The following ZNF664 variants were observed in gnomAD, a reference collection of about 807,000 sequenced individuals.
The protein encoded by ZNF664 is zinc finger protein 664.
In ZNF664, 10 loss-of-function variants were observed where a neutral mutation model predicts 18.2. The ratio of observed to expected loss-of-function variants is 0.55; its 90% CI spans 0.34 to 0.93. The LOEUF is 0.93. Ranked by LOEUF, ZNF664 falls within the 40% of genes least tolerant of loss-of-function variation. The pLI, the probability that ZNF664 is intolerant of heterozygous loss-of-function variation, is 0.02. For missense variants in ZNF664, 193 were observed against 319.0 expected, an observed-to-expected ratio of 0.61 and a Z score of 3.01; for synonymous variants, 119 against 104.2, an observed-to-expected ratio of 1.14 and a Z score of -0.86.
chr12:124,015,423 CAG>C lies in ZNF664; in HGVS notation c.*2494_*2495del, dbSNP rs1162760748. The stretch of plus-strand genomic sequence containing the variant: ...TCAATTTAATAAAATCGCTTTATAA[CAG>C]GGTTCTGTGCTTGACATGTAGTTGT... On this transcript the variant is annotated 3_prime_UTR_variant, in exon 5 of 5. Coordinates refer to ENST00000337815, the MANE Select transcript of ZNF664 (RefSeq NM_152437.3). 1.2e-5 allele frequency: 2 copies of C among 161,522 alleles called. No homozygotes were observed. The highest frequency in any genetic ancestry group is 2.4e-5 in the African/African-American group (1 of 41,426). The allele number at this position is 161,522 out of a possible 1,614,324, so 10.0% of individuals were successfully genotyped here.
chr12:123,984,630 GAGT>G (rs1956803187), intron 2 of ZNF664, among the ~76,000 whole-genome samples: 1 of 152,066 alleles, frequency 6.6e-6, no homozygotes, highest in Non-Finnish European at 1.5e-5. Flanking sequence ...GAGGAGGAGA[GAGT>G]TGGTTTCAAA....
At chr12:123,980,176 A>T (rs1408600775) in intron 2 of ZNF664, among the ~76,000 whole-genome samples, 1 of 152,216 alleles carries the variant, frequency 6.6e-6, no homozygotes, top group Non-Finnish European at 1.5e-5. Context: ...AGAATACCTG[A>T]AAACATTTAA....
At chr12:123,994,840 T>G (rs1318651833) in intron 3 of ZNF664, among the ~76,000 whole-genome samples, 3 of 152,214 alleles carry the variant, frequency 2.0e-5, no homozygotes, top group Non-Finnish European at 4.4e-5. Flanking sequence ...GTTGGTCATT[T>G]GGAGCCTTCA....
intron 2 of ZNF664, among the ~76,000 whole-genome samples, chr12:123,981,487 G>A (rs749045129): frequency 2.6e-4 from 40 of 152,146 alleles, no homozygotes; most frequent in Admixed American, 2.6e-4. Context: ...CCCTCTCATC[G>A]TGTGATGCCC....
At chr12:123,990,230 A>G (rs1956873711) in intron 3 of ZNF664, among the ~76,000 whole-genome samples, 2 of 152,348 alleles carry the variant, frequency 1.3e-5, no homozygotes, top group South Asian at 2.1e-4. Context: ...TATATGTAAC[A>G]CTACTGAACT....
At chr12:123,988,173 A>G (rs373888240) in intron 3 of ZNF664, 35 bp downstream of exon 3, 1 of 1,230,986 alleles carries the variant, frequency 8.1e-7, no homozygotes. Context: ...TTTGTCCTAG[A>G]TGGAGAATCC....
chr12:124,012,864 G>C lies in ZNF664; in HGVS notation c.720G>C (p.Thr240=), dbSNP rs960135502. 1 of 1,613,982 alleles carries C rather than the reference G, an allele frequency of 6.2e-7. No individual in the cohort carries two copies. ...GCGGAAAGGCCTTCAGTCAGAGTAC[G>C]AGCCTCTGCATCCACCAGAGAGTCC... The part of the protein sequence containing the change: ...DECGKAFSQS[T]SLCIHQRVHT... The change falls in exon 5 of 5, where the codon ACG becomes ACC. Residue 240 remains threonine (T), a synonymous_variant. Transcript: ENST00000337815.
At chr12:123,982,575 C>A (rs1956778287) in intron 2 of ZNF664, among the ~76,000 whole-genome samples, 1 of 152,178 alleles carries the variant, frequency 6.6e-6, no homozygotes, top group African/African-American at 2.4e-5. Flanking sequence ...CTTCCCACTT[C>A]CCAATTCCAA....
At chr12:123,996,777 T>G (rs1215156028) in intron 3 of ZNF664, among the ~76,000 whole-genome samples, 1 of 152,170 alleles carries the variant, frequency 6.6e-6, no homozygotes, top group African/African-American at 2.4e-5. Context: ...AGGGAGGGAA[T>G]GAAGCTCATT....
At position 124,012,136 on chromosome 12, in the gene ZNF664, A is replaced by G. The variant is rs778641728; in HGVS notation, c.-9A>G. 2.5e-6 allele frequency: 4 copies of G among 1,594,244 alleles called. No homozygotes were observed. The highest frequency in any genetic ancestry group is 2.6e-6 in the Non-Finnish European group (3 of 1,173,880). On this transcript the variant is annotated 5_prime_UTR_variant, in exon 5 of 5. Transcript: ENST00000337815. ...TTTCTCCTTGAAATCACGATACCAA[A>G]TAGGAAAAATGATCTACAAGTGCCC...
In ZNF664 at chr12:124,011,530, T is replaced by C; in HGVS notation, c.-599-16T>C. ...TAAAAGCATTTTCAATTTATTTATTTATGTTTCTATTACAGGAGACGGCAT... is the reference window on the plus strand; with the variant it reads ...TAAAAGCATTTTCAATTTATTTATTCATGTTTCTATTACAGGAGACGGCAT... On this transcript the variant is annotated splice_polypyrimidine_tract_variant and intron_variant, in intron 4 of 4. Coordinates refer to ENST00000337815, the MANE Select transcript of ZNF664 (RefSeq NM_152437.3). 1.2e-6 allele frequency: 1 copy of C among 800,402 alleles called. No homozygotes were observed. Among genetic ancestry groups the C allele is most frequent in the Non-Finnish European group, 1.5e-6 (1 of 662,184 alleles). 49.6% of individuals were successfully genotyped at this position (800,402 alleles called of 1,614,324 possible). A position where few individuals can be genotyped will look rare whatever the true frequency, so the allele number is the denominator to read the frequency against.
chr12:123,973,373 C>A, intron 1 of ZNF664, 21 bp downstream of exon 1: 2 of 958,674 alleles, frequency 2.1e-6, no homozygotes, highest in Non-Finnish European at 2.5e-6. Flanking sequence ...GGCGGCCGGG[C>A]TGCAGTCTTT....
At chr12:123,989,728 T>TA (rs1956867173) in intron 3 of ZNF664, among the ~76,000 whole-genome samples, 1 of 152,212 alleles carries the variant, frequency 6.6e-6, no homozygotes, top group Admixed American at 6.5e-5. Flanking sequence ...ATTAATAACA[T>TA]ACATTTTCAG....
At position 123,974,335 on chromosome 12, in the gene ZNF664, C is replaced by T. The variant is rs1365796725; in HGVS notation, c.-757+315C>T. The T allele has an allele frequency of 2.1e-5, 6 of 289,166 alleles. No homozygotes were observed. The East Asian group carries it at 2.3e-4, about 11-fold the overall frequency. The allele number at this position is 289,166 out of a possible 1,614,324, so 17.9% of individuals were successfully genotyped here. On this transcript the variant is annotated intron_variant, in intron 2 of 4. Transcript: ENST00000337815. ...GCTGTCTTATTGCAACAAAGGAGACCAGATACCGAAAAAAGATTTCTGAGC... is the reference window on the plus strand; with the variant it reads ...GCTGTCTTATTGCAACAAAGGAGACTAGATACCGAAAAAAGATTTCTGAGC...
intron 3 of ZNF664, among the ~76,000 whole-genome samples, chr12:123,993,842 T>G (rs1956916032): frequency 6.6e-6 from 1 of 152,196 alleles, no homozygotes; most frequent in African/African-American, 2.4e-5. Context: ...TGATCATTTT[T>G]GAGGAGGAGG....
intron 3 of ZNF664, among the ~76,000 whole-genome samples, chr12:123,995,178 T>TCA (rs1956933462): frequency 6.6e-6 from 1 of 152,202 alleles, no homozygotes; most frequent in Non-Finnish European, 1.5e-5. Context: ...GTGTGTTTCA[T>TCA]CACGGTGTTG....
intron 1 of ZNF664, 191 bp downstream of exon 1, chr12:123,973,543 C>G (rs1956626186): frequency 2.7e-6 from 1 of 372,414 alleles, no homozygotes; most frequent in African/African-American, 2.2e-5. Context: ...CTGGCGGGTC[C>G]CGGGCTGAGA....
In ZNF664 at chr12:123,973,216, C is replaced by G. The variant is rs1453354027; in HGVS notation, c.-1028C>G. 2 of 984,060 alleles carry G rather than the reference C, an allele frequency of 2.0e-6. No homozygotes were observed. The highest frequency in any genetic ancestry group is 2.4e-6 in the Non-Finnish European group (2 of 831,474). 61.0% of individuals were successfully genotyped at this position (984,060 alleles called of 1,614,324 possible). A position where few individuals can be genotyped will look rare whatever the true frequency, so the allele number is the denominator to read the frequency against. ...CCCCGGCCTCGTGCGTGCGCACGCG[C>G]GCTGTCCCCCGGAGGCGTCTGGGTG... On this transcript the variant is annotated 5_prime_UTR_variant, in exon 1 of 5. Transcript: ENST00000337815.
At chr12:123,991,226 A>G (rs1031459953) in intron 3 of ZNF664, among the ~76,000 whole-genome samples, 4 of 152,210 alleles carry the variant, frequency 2.6e-5, no homozygotes, top group African/African-American at 9.6e-5. Flanking sequence ...ATTGTGTCCC[A>G]TTACTCAGGT....
Sources: gnomAD v4.1 joint callset for allele counts (sites outside exome capture counted in the v4.1 genomes callset) on GRCh38, gnomAD v4.1.1 for gene constraint, MANE v1.5 for transcripts, NCBI Gene and HGNC (gene_info 2026-07-23, HGNC 2026-07-21) for gene names.